The following COL4A2 variants were observed in gnomAD, a reference collection of about 807,000 sequenced individuals.
COL4A2 encodes collagen type IV alpha 2 chain.
Under a neutral mutation model 200.2 loss-of-function variants are expected in COL4A2, and 99 were observed. The observed-to-expected ratio is 0.49, with a 90% CI of 0.42 to 0.58. COL4A2 has a LOEUF of 0.58. Among genes scored for constraint, COL4A2 ranks in the 20% least tolerant of loss-of-function variants. The probability of loss-of-function intolerance (pLI) is 0.00; values close to 1 mark genes in which losing one functional copy is unlikely to be tolerated. For missense variants in COL4A2, 1,950 were observed against 2,314.1 expected, an observed-to-expected ratio of 0.84 and a Z score of 3.23; for synonymous variants, 897 against 900.6, an observed-to-expected ratio of 1.00 and a Z score of 0.07.
intron 4 of COL4A2, among the ~76,000 whole-genome samples, chr13:110,406,805 G>T (rs1879588721): frequency 6.6e-6 from 1 of 152,198 alleles, no homozygotes; most frequent in South Asian, 2.1e-4. Context: ...ATCTGTGCGT[G>T]TGTGTATATG....
intron 4 of COL4A2, among the ~76,000 whole-genome samples, chr13:110,420,451 C>T (rs1332343162): frequency 7.0e-6 from 1 of 143,032 alleles, no homozygotes; most frequent in Non-Finnish European, 1.5e-5. Flanking sequence ...ATTACCACTC[C>T]TGTCCACAGC....
At chr13:110,378,989 G>A (rs1878355177) in intron 4 of COL4A2, among the ~76,000 whole-genome samples, 1 of 152,174 alleles carries the variant, frequency 6.6e-6, no homozygotes, top group South Asian at 2.1e-4. Flanking sequence ...CATGGAGCCG[G>A]GGGCATTTGG....
chr13:110,407,142 G>T (rs1248266649), intron 4 of COL4A2, among the ~76,000 whole-genome samples: 1 of 152,220 alleles, frequency 6.6e-6, no homozygotes, highest in Non-Finnish European at 1.5e-5. Flanking sequence ...ATATTTACTT[G>T]CATTGACCAT....
chr13:110,439,460 A>G (rs189041924), intron 15 of COL4A2, among the ~76,000 whole-genome samples: 1 of 152,202 alleles, frequency 6.6e-6, no homozygotes, highest in Admixed American at 6.5e-5. Context: ...TGTCTCCCTC[A>G]GGAAATGAGA....
At chr13:110,391,623 G>A (rs909616916) in intron 4 of COL4A2, among the ~76,000 whole-genome samples, 2 of 152,214 alleles carry the variant, frequency 1.3e-5, no homozygotes, top group South Asian at 2.1e-4. Context: ...TTACTAGCGC[G>A]ATGCCCTTGA....
At chr13:110,451,453 T>C (rs775748233) in intron 20 of COL4A2, among the ~76,000 whole-genome samples, 1 of 152,250 alleles carries the variant, frequency 6.6e-6, no homozygotes, top group Non-Finnish European at 1.5e-5. Context: ...AGAGGTTTAA[T>C]TGACTCACAG....
At chr13:110,493,724 G>A (rs1053866798) in intron 39 of COL4A2, among the ~76,000 whole-genome samples, 4 of 152,136 alleles carry the variant, frequency 2.6e-5, no homozygotes, top group Admixed American at 6.5e-5. Context: ...CAGTGATAGC[G>A]CTTGGGCACC....
Position 110,432,345 on chromosome 13 carries a change from A to G in COL4A2, c.669A>G (p.Gly223=), listed in dbSNP as rs192660147. ...TACAGGGACCACCTGGACCCCCTGGACCAAAAGGACAGCAAGTAAGTTGGT... is the reference window on the plus strand; with the variant it reads ...TACAGGGACCACCTGGACCCCCTGGGCCAAAAGGACAGCAAGTAAGTTGGT... ...PGRPGPPGPP[G]PKGQQGNRGL... The change falls in exon 11 of 48, where the codon GGA becomes GGG. Residue 223 remains glycine, a synonymous_variant. Coordinates refer to ENST00000360467, the MANE Select transcript of COL4A2 (RefSeq NM_001846.4). 1.2e-4 allele frequency: 192 copies of G among 1,610,716 alleles called. 1 individual carries two copies. In the East Asian group the frequency reaches 4.2e-3, roughly 35 times the overall value.
intron 4 of COL4A2, among the ~76,000 whole-genome samples, chr13:110,399,276 G>T (rs753948208): frequency 6.6e-6 from 1 of 152,148 alleles, no homozygotes; most frequent in Non-Finnish European, 1.5e-5. Context: ...TGTTCCTCCC[G>T]TAAGCCCTCA....
At chr13:110,428,706 G>A (rs770119124) in intron 7 of COL4A2, 123 bp downstream of exon 7, 38 of 478,288 alleles carry the variant, frequency 7.9e-5, no homozygotes, top group Admixed American at 1.6e-4. Flanking sequence ...GTATGTTGAC[G>A]CCCAAGACAT....
At chr13:110,416,371 GTCT>G (rs1407260947) in intron 4 of COL4A2, among the ~76,000 whole-genome samples, 2 of 152,216 alleles carry the variant, frequency 1.3e-5, no homozygotes, top group Non-Finnish European at 2.9e-5. Context: ...CAGACTCCAA[GTCT>G]TCTTAGAGGA....
At chr13:110,489,865 T>C in intron 36 of COL4A2, 80 bp downstream of exon 36, 1 of 1,438,644 alleles carries the variant, frequency 7.0e-7, no homozygotes, top group Non-Finnish European at 9.4e-7. Context: ...GCCAAACAGA[T>C]CAAATTCAGT....
chr13:110,439,512 T>G (rs1265942834), intron 15 of COL4A2, among the ~76,000 whole-genome samples: 2 of 152,198 alleles, frequency 1.3e-5, no homozygotes, highest in Non-Finnish European at 2.9e-5. Flanking sequence ...GAAGCAGCTT[T>G]GAGATTAGGA....
At chr13:110,485,861 T>C in intron 34 of COL4A2, 25 bp downstream of exon 34, 3 of 1,611,200 alleles carry the variant, frequency 1.9e-6, no homozygotes, top group Non-Finnish European at 2.5e-6. Flanking sequence ...TTTACTCCCC[T>C]TGTTCTGTGA....
chr13:110,392,291 A>G (rs1424887703), intron 4 of COL4A2, among the ~76,000 whole-genome samples: 1 of 152,276 alleles, frequency 6.6e-6, no homozygotes, highest in East Asian at 1.9e-4. Flanking sequence ...TTCACGTTCC[A>G]AAGCAATTTA....
At chr13:110,397,240 T>C (rs1441811498) in intron 4 of COL4A2, among the ~76,000 whole-genome samples, 1 of 152,234 alleles carries the variant, frequency 6.6e-6, no homozygotes, top group African/African-American at 2.4e-5. Context: ...AGAACAGTCT[T>C]GGACTTCTGC....
Position 110,508,404 on chromosome 13 carries a change from C to G in COL4A2, c.4881+183C>G. On this transcript the variant is annotated intron_variant, in intron 47 of 47. Transcript: ENST00000360467. This position sits in a 1 kb window ranked among gnomAD's most constrained non-coding sequence, Gnocchi z 6.1. ...TACACTTGGCTAACTGAGCCACATG[C>G]TGGGCACAGGGCTTCCTCCACCCAG... is the stretch of plus-strand genomic sequence containing the variant. 1 of 951,210 alleles carries G rather than the reference C, an allele frequency of 1.1e-6. No homozygotes were observed. 58.9% of individuals were successfully genotyped at this position (951,210 alleles called of 1,614,324 possible).
At chr13:110,324,597 T>C (rs1470517701) in intron 3 of COL4A2, among the ~76,000 whole-genome samples, 1 of 152,118 alleles carries the variant, frequency 6.6e-6, no homozygotes, top group African/African-American at 2.4e-5. Context: ...ACTCAGCCGA[T>C]TTGGATCAGG....
At chr13:110,447,619 G>A (rs538131271) in intron 18 of COL4A2, among the ~76,000 whole-genome samples, 9 of 152,176 alleles carry the variant, frequency 5.9e-5, no homozygotes, top group Non-Finnish European at 7.4e-5. Context: ...ATATCTTTGC[G>A]GATCATTGGC....
Sources: allele counts gnomAD v4.1 joint callset (sites outside exome capture counted in the v4.1 genomes callset), GRCh38; gene constraint gnomAD v4.1.1; non-coding constraint Gnocchi (gnomAD v3.1); transcripts MANE v1.5; gene names NCBI Gene and HGNC (gene_info 2026-07-23, HGNC 2026-07-21).